SERTAD2: variants seen among roughly 807,000 people sequenced by gnomAD.
SERTAD2 encodes the protein SERTA domain containing 2.
In SERTAD2, 2 loss-of-function variants were observed where a neutral mutation model predicts 15.4. The observed-to-expected ratio is 0.13, with a 90% CI of 0.05 to 0.41. The LOEUF (loss-of-function observed/expected upper bound fraction) is 0.41, where lower values mean the gene tolerates loss of function less well. Ranked by LOEUF, SERTAD2 falls within the 10% of genes least tolerant of loss-of-function variation. The pLI is 0.99. For missense variants in SERTAD2, 333 were observed against 409.7 expected (o/e 0.81, Z 1.62); for synonymous variants, 180 against 178.0 (o/e 1.01, Z -0.09).
At chr2:64,646,542 A>C (rs187821840) in intron 1 of SERTAD2, 1 of 152,322 alleles carries the variant, frequency 6.6e-6, no homozygotes, top group East Asian at 1.9e-4. Flanking sequence ...AGCAGCAAGG[A>C]GCGCAAAAGT....
intron 1 of SERTAD2, among the ~76,000 whole-genome samples, chr2:64,650,950 C>T (rs1184352729): frequency 2.6e-5 from 4 of 152,186 alleles, no homozygotes; most frequent in South Asian, 4.1e-4. Context: ...ACGGCGCCTG[C>T]GCTTGCTCTC....
Position 64,636,881 on chromosome 2 carries a change from G to T in SERTAD2, c.-4-6C>A, listed in dbSNP as rs1390259690. The T allele has an allele frequency of 6.4e-7, 1 of 1,574,352 alleles. No individual in the cohort carries two copies. Among genetic ancestry groups the T allele is most frequent in the Admixed American group, 1.8e-5 (1 of 56,858 alleles). On this transcript the variant is annotated splice_region_variant and splice_polypyrimidine_tract_variant and intron_variant, in intron 1 of 1. Transcript: ENST00000313349. ...CTCCTTTACCCAACATATATCTGCAGAGGGGAGAGAGAGGAAATGGCATTA... is the reference window on the plus strand; with the variant it reads ...CTCCTTTACCCAACATATATCTGCATAGGGGAGAGAGAGGAAATGGCATTA...
At chr2:64,642,506 ATC>A (rs940214071) in intron 1 of SERTAD2, among the ~76,000 whole-genome samples, 16 of 150,156 alleles carry the variant, frequency 1.1e-4, no homozygotes, top group Non-Finnish European at 1.6e-4. Flanking sequence ...CTTTTTAAAA[ATC>A]TTTTTTTTTT....
At chr2:64,643,476 G>A (rs1358126774) in intron 1 of SERTAD2, among the ~76,000 whole-genome samples, 2 of 152,184 alleles carry the variant, frequency 1.3e-5, no homozygotes, top group Non-Finnish European at 2.9e-5. Context: ...GATCCTGCAC[G>A]GCTCTACATG....
chr2:64,641,038 A>C (rs1206528678), intron 1 of SERTAD2, among the ~76,000 whole-genome samples: 1 of 152,224 alleles, frequency 6.6e-6, no homozygotes, highest in Non-Finnish European at 1.5e-5. Context: ...AACTGCTATT[A>C]ACTGCAGCAA....
intron 1 of SERTAD2, among the ~76,000 whole-genome samples, chr2:64,647,884 T>A (rs888312046): frequency 6.6e-6 from 1 of 152,096 alleles, no homozygotes; most frequent in Non-Finnish European, 1.5e-5. Context: ...CAATGGAAGC[T>A]TTTCTTAAAA....
chr2:64,647,098 G>T (rs1674917876), intron 1 of SERTAD2, among the ~76,000 whole-genome samples: 1 of 152,162 alleles, frequency 6.6e-6, no homozygotes, highest in African/African-American at 2.4e-5. Flanking sequence ...ATTATAAAAT[G>T]TAACACAGTT....
intron 1 of SERTAD2, among the ~76,000 whole-genome samples, chr2:64,645,337 G>A (rs1410416446): frequency 2.6e-5 from 4 of 151,910 alleles, no homozygotes; most frequent in Non-Finnish European, 4.4e-5. Flanking sequence ...TGCATTTGAC[G>A]AAGACCTGCA....
intron 1 of SERTAD2, among the ~76,000 whole-genome samples, chr2:64,650,441 A>G (rs1272683195): frequency 6.6e-6 from 1 of 152,084 alleles, no homozygotes; most frequent in Non-Finnish European, 1.5e-5. Context: ...TGCCATTCAC[A>G]GATTCATACA....
chr2:64,632,878 G>A lies in SERTAD2; in HGVS notation c.*3049C>T, dbSNP rs992604970. 5 of 95,472 alleles carry A rather than the reference G, an allele frequency of 5.2e-5. No homozygotes were observed. Among genetic ancestry groups the A allele is most frequent in the African/African-American group, 9.2e-5 (3 of 32,530 alleles). 5.9% of individuals were successfully genotyped at this position (95,472 alleles called of 1,614,324 possible). On this transcript the variant is annotated 3_prime_UTR_variant, in exon 2 of 2. Coordinates refer to ENST00000313349, the MANE Select transcript of SERTAD2 (RefSeq NM_014755.3). ...CAGAAAAAAGGAATAAATAACTTAT[G>A]GGGGGAAAAAAACTCACTTCAAATT...
At chr2:64,639,246 C>G (rs980555022) in intron 1 of SERTAD2, among the ~76,000 whole-genome samples, 1 of 152,122 alleles carries the variant, frequency 6.6e-6, no homozygotes, top group Non-Finnish European at 1.5e-5. Flanking sequence ...TACTGGTCCA[C>G]GATGAGGTAT....
chr2:64,638,674 C>T (rs1674710637), intron 1 of SERTAD2, among the ~76,000 whole-genome samples: 1 of 145,476 alleles, frequency 6.9e-6, no homozygotes. Context: ...AAACATTTCC[C>T]CTCATTTTGT....
intron 1 of SERTAD2, among the ~76,000 whole-genome samples, chr2:64,644,144 C>T (rs2104347304): frequency 6.6e-6 from 1 of 152,336 alleles, no homozygotes; most frequent in Non-Finnish European, 1.5e-5. Flanking sequence ...CCCTGACATA[C>T]TGTGCCACCA....
In SERTAD2 at chr2:64,635,403, T is replaced by C. The variant is rs1355636746; in HGVS notation, c.*524A>G. The stretch of plus-strand genomic sequence containing the variant: ...AAAATAAATTTGGGCAGCAGTTTTC[T>C]AAACAGCCATGTAAATGCAACACTT... On this transcript the variant is annotated 3_prime_UTR_variant, in exon 2 of 2. Transcript: ENST00000313349. 2 of 152,780 alleles carry C rather than the reference T, an allele frequency of 1.3e-5. No individual in the cohort carries two copies. The highest frequency in any genetic ancestry group is 4.8e-5 in the African/African-American group (2 of 41,452). 9.5% of individuals were successfully genotyped at this position (152,780 alleles called of 1,614,324 possible).
Position 64,636,802 on chromosome 2 carries a change from G to A in SERTAD2, c.70C>T (p.Pro24Ser), listed in dbSNP as rs764714792. Reference sequence around the variant, plus strand: ...GACACCTTGGATGGACCGTCACAGGGAGACACGATTTTGCCTTCCAGCCCA... The same window carrying A: ...GACACCTTGGATGGACCGTCACAGGAAGACACGATTTTGCCTTCCAGCCCA... The part of the protein sequence containing the change: ...EDGLEGKIVS[P>S]CDGPSKVSYT... Residue 24 changes from proline (P) to serine (S), a missense_variant, in exon 2 of 2, where the codon CCC (proline) becomes TCC (serine). Around this residue, in one of 2 missense-constraint regions of SERTAD2, gnomAD observed 332 missense variants for 392.9 expected, o/e 0.84. Coordinates refer to ENST00000313349, the MANE Select transcript of SERTAD2 (RefSeq NM_014755.3). The A allele has an allele frequency of 2.6e-5, 42 of 1,614,084 alleles. No individual in the cohort carries two copies. The highest frequency in any genetic ancestry group is 5.1e-6 in the Non-Finnish European group (6 of 1,180,058).
At chr2:64,650,315 A>C in intron 1 of SERTAD2, among the ~76,000 whole-genome samples, 1 of 152,176 alleles carries the variant, frequency 6.6e-6, no homozygotes. Context: ...TTTCAAAGAA[A>C]ATTTTTAGAC....
At chr2:64,650,261 T>C (rs918179971) in intron 1 of SERTAD2, among the ~76,000 whole-genome samples, 3 of 152,092 alleles carry the variant, frequency 2.0e-5, no homozygotes, top group African/African-American at 4.8e-5. Flanking sequence ...AATCATATAT[T>C]ATAAAATATA....
intron 1 of SERTAD2, among the ~76,000 whole-genome samples, chr2:64,643,889 C>T (rs115513368): frequency 1.6e-5 from 2 of 127,056 alleles, no homozygotes; most frequent in Non-Finnish European, 3.5e-5. Flanking sequence ...CAAAACAAAA[C>T]AAAAAAAACA....
chr2:64,639,451 G>A (rs1204909970), intron 1 of SERTAD2, among the ~76,000 whole-genome samples: 1 of 152,206 alleles, frequency 6.6e-6, no homozygotes, highest in Non-Finnish European at 1.5e-5. Context: ...AACCAAGAGA[G>A]CCCCTAATCA....
Sources: allele counts gnomAD v4.1 joint callset (sites outside exome capture counted in the v4.1 genomes callset), GRCh38; gene constraint gnomAD v4.1.1; regional missense constraint gnomAD v4.1.1; transcripts MANE v1.5; gene names NCBI Gene and HGNC (gene_info 2026-07-23, HGNC 2026-07-21).